Variants in ATP6V1H observed in about 807,000 individuals in gnomAD.
The protein encoded by ATP6V1H is V-type proton ATPase subunit H.
Under a neutral mutation model 71.7 loss-of-function variants are expected in ATP6V1H, and 39 were observed. The ratio of observed to expected loss-of-function variants is 0.54; its 90% CI spans 0.42 to 0.71. ATP6V1H has a LOEUF of 0.71. ATP6V1H is among the 30% of genes least tolerant of loss of function. The probability of loss-of-function intolerance (pLI) is 0.00; values close to 1 mark genes in which losing one functional copy is unlikely to be tolerated. For synonymous variants in ATP6V1H, 192 were observed against 199.3 expected (o/e 0.96, Z 0.31); for missense variants, 509 against 594.9 (o/e 0.86, Z 1.50).
At chr8:53,726,864 C>A (rs1380065414) in intron 13 of ATP6V1H, among the ~76,000 whole-genome samples, 1 of 152,148 alleles carries the variant, frequency 6.6e-6, no homozygotes. Flanking sequence ...TAAAGAATGG[C>A]TCTGCTTCGT....
At chr8:53,837,588 G>C (rs1052412942) in intron 2 of ATP6V1H, among the ~76,000 whole-genome samples, 9 of 152,250 alleles carry the variant, frequency 5.9e-5, no homozygotes, top group African/African-American at 1.9e-4. Context: ...GAATCTAAGG[G>C]TGGAACTTCT....
At chr8:53,738,887 GTGAGATAACAGC>G (rs1351271761) in intron 13 of ATP6V1H, among the ~76,000 whole-genome samples, 1 of 152,172 alleles carries the variant, frequency 6.6e-6, no homozygotes, top group African/African-American at 2.4e-5. Context: ...CCAGTTGATA[GTGAGATAACAGC>G]TGTAAAAAAT....
intron 3 of ATP6V1H, chr8:53,831,866 T>G (rs1166026378): frequency 6.6e-6 from 1 of 150,828 alleles, no homozygotes; most frequent in Non-Finnish European, 1.5e-5. Context: ...CCCAAAGTAC[T>G]GGGATTACAA....
intron 11 of ATP6V1H, among the ~76,000 whole-genome samples, chr8:53,767,597 T>A (rs889093735): frequency 1.3e-5 from 2 of 152,066 alleles, no homozygotes; most frequent in South Asian, 4.1e-4. Context: ...GCAACAGCAA[T>A]CAAAACAGTG....
intron 13 of ATP6V1H, among the ~76,000 whole-genome samples, chr8:53,728,150 C>G (rs918763860): frequency 3.3e-5 from 5 of 152,180 alleles, no homozygotes; most frequent in Non-Finnish European, 5.9e-5. Flanking sequence ...CCTGTTCAGT[C>G]CTCTAATTGC....
intron 9 of ATP6V1H, among the ~76,000 whole-genome samples, chr8:53,784,105 T>C (rs1186542702): frequency 6.6e-6 from 1 of 152,214 alleles, no homozygotes. Context: ...TTGTTAACTT[T>C]CTGTCTAGTA....
chr8:53,764,261 T>A lies in ATP6V1H; in HGVS notation c.1175+5357A>T, dbSNP rs532725882. 6.6e-5 allele frequency among the ~76,000 whole-genome samples: 10 copies of A among 152,260 alleles called. No homozygotes were observed. In the South Asian group the frequency reaches 2.1e-3, roughly 32 times the overall value. ...TACAGAGCACTATCTCTCATGAACATAGATGCAAAAATCCTCAACAAAAAT... is the reference window on the plus strand; with the variant it reads ...TACAGAGCACTATCTCTCATGAACAAAGATGCAAAAATCCTCAACAAAAAT... On this transcript the variant is annotated intron_variant, in intron 11 of 13. Coordinates refer to ENST00000359530, the MANE Select transcript of ATP6V1H (RefSeq NM_015941.4).
At chr8:53,814,106 G>T (rs1325908772) in intron 6 of ATP6V1H, among the ~76,000 whole-genome samples, 1 of 152,132 alleles carries the variant, frequency 6.6e-6, no homozygotes, top group Non-Finnish European at 1.5e-5. Context: ...TTGTTTATTA[G>T]TGTAATCGGT....
chr8:53,736,557 T>C (rs536540927), intron 13 of ATP6V1H, among the ~76,000 whole-genome samples: 1 of 152,320 alleles, frequency 6.6e-6, no homozygotes, highest in South Asian at 2.1e-4. Flanking sequence ...CAGTTAGAAA[T>C]AATCACTAAT....
At chr8:53,742,582 A>AC (rs1312308769) in intron 13 of ATP6V1H, among the ~76,000 whole-genome samples, 1 of 152,188 alleles carries the variant, frequency 6.6e-6, no homozygotes, top group African/African-American at 2.4e-5. Context: ...ACAGATTTGT[A>AC]CACTTATCAG....
intron 9 of ATP6V1H, among the ~76,000 whole-genome samples, chr8:53,778,758 C>A (rs1219713710): frequency 6.6e-6 from 1 of 152,138 alleles, no homozygotes; most frequent in Non-Finnish European, 1.5e-5. Flanking sequence ...GAACTAGATA[C>A]TCCAGTTAAG....
intron 13 of ATP6V1H, among the ~76,000 whole-genome samples, chr8:53,735,603 G>A (rs370380992): frequency 1.1e-3 from 172 of 152,040 alleles, no homozygotes; most frequent in African/African-American, 3.7e-3. Context: ...CGGCCACCCC[G>A]CAAATCATAA....
chr8:53,774,513 A>G (rs1373266767), intron 9 of ATP6V1H, among the ~76,000 whole-genome samples: 1 of 152,212 alleles, frequency 6.6e-6, no homozygotes, highest in Non-Finnish European at 1.5e-5. Flanking sequence ...CATGTAAAAC[A>G]TTGTGAACAA....
At position 53,801,906 on chromosome 8, in the gene ATP6V1H, A is replaced by C; in HGVS notation, c.580-10T>G. The C allele has an allele frequency of 6.2e-7, 1 of 1,609,912 alleles. No homozygotes were observed. Reference sequence around the variant, plus strand: ...GCACATACTGCGAACTCTGCACAAGAAGAAGTGTTGAGTTTTTAAATGGGA... The same window carrying C: ...GCACATACTGCGAACTCTGCACAAGCAGAAGTGTTGAGTTTTTAAATGGGA... On this transcript the variant is annotated splice_polypyrimidine_tract_variant and intron_variant, in intron 7 of 13. Coordinates refer to ENST00000359530, the MANE Select transcript of ATP6V1H (RefSeq NM_015941.4).
chr8:53,768,131 C>G (rs1808531845), intron 11 of ATP6V1H, among the ~76,000 whole-genome samples: 1 of 152,118 alleles, frequency 6.6e-6, no homozygotes, highest in South Asian at 2.1e-4. Context: ...AGCATCTGAA[C>G]AGACATTTCT....
At chr8:53,824,359 CA>C (rs1479195178) in intron 4 of ATP6V1H, among the ~76,000 whole-genome samples, 1 of 152,096 alleles carries the variant, frequency 6.6e-6, no homozygotes, top group Non-Finnish European at 1.5e-5. Context: ...GAAAAACCTC[CA>C]AATCCTTTTT....
chr8:53,835,529 G>C (rs1191762247), intron 2 of ATP6V1H, among the ~76,000 whole-genome samples: 2 of 152,178 alleles, frequency 1.3e-5, no homozygotes, highest in East Asian at 3.8e-4. Context: ...TCCCTTCTGG[G>C]TTTTGTACAT....
chr8:53,781,321 T>C lies in ATP6V1H; in HGVS notation c.871-9154A>G, dbSNP rs191229606. Among the ~76,000 whole-genome samples the C allele has an allele frequency of 6.8e-4, 103 of 152,372 alleles. 1 individual carries two copies. The East Asian group carries it at 0.016, about 23-fold the overall frequency. ...GATGAGCATTTTTTCATGTGTTTTA[T>C]GGCTGCATAAATGTCTTCTTTTCAG... On this transcript the variant is annotated intron_variant, in intron 9 of 13. Coordinates refer to ENST00000359530, the MANE Select transcript of ATP6V1H (RefSeq NM_015941.4).
intron 13 of ATP6V1H, among the ~76,000 whole-genome samples, chr8:53,725,543 T>C (rs1806783646): frequency 1.3e-5 from 2 of 148,328 alleles, no homozygotes; most frequent in Non-Finnish European, 3.0e-5. Flanking sequence ...ACAGCTAATC[T>C]GTCATCTAGG....
Sources: gnomAD v4.1 joint callset for allele counts (sites outside exome capture counted in the v4.1 genomes callset) on GRCh38, gnomAD v4.1.1 for gene constraint, MANE v1.5 for transcripts, NCBI Gene and HGNC (gene_info 2026-07-23, HGNC 2026-07-21) for gene names.